KLK1: variants seen among roughly 807,000 people sequenced by gnomAD.
KLK1 encodes kallikrein 1, also known as kallikrein-1.
KLK1 carries 22 observed loss-of-function variants against 23.3 expected under a neutral mutation model. The ratio of observed to expected loss-of-function variants is 0.95; its 90% CI spans 0.68 to 1.35. KLK1 has a LOEUF of 1.35. KLK1 is among the 40% of genes most tolerant of loss of function. The pLI, the probability that KLK1 is intolerant of heterozygous loss-of-function variation, is 0.00. For missense variants in KLK1, 301 were observed against 338.9 expected, an observed-to-expected ratio of 0.89 and a Z score of 0.88; for synonymous variants, 140 against 135.8, an observed-to-expected ratio of 1.03 and a Z score of -0.21.
In KLK1 at chr19:50,821,569, C is replaced by T. The variant is rs1045349306; in HGVS notation, c.206+143G>A. The T allele has an allele frequency of 1.0e-5, 12 of 1,188,186 alleles. No homozygotes were observed. Among genetic ancestry groups the T allele is most frequent in the Non-Finnish European group, 5.7e-6 (5 of 882,928 alleles). The allele number at this position is 1,188,186 out of a possible 1,614,324, so 73.6% of individuals were successfully genotyped here. A position where few individuals can be genotyped will look rare whatever the true frequency, so the allele number is the denominator to read the frequency against. On this transcript the variant is annotated intron_variant, in intron 2 of 4. Transcript: ENST00000301420. The surrounding 1 kb of genome is among the most constrained non-coding windows in gnomAD (Gnocchi z 5.6). ...AGAGGGGTGTCCAGCCCAGCTCTGC[C>T]CTGCCAGGCGACCTGCGCCAGAGCC...
At position 50,820,281 on chromosome 19, in the gene KLK1, C is replaced by A. The variant is rs1287961902; in HGVS notation, c.369G>T (p.Leu123=). The change falls in exon 3 of 5, where the codon CTG becomes CTT. Residue 123 remains leucine, a synonymous_variant. Coordinates refer to ENST00000301420, the MANE Select transcript of KLK1 (RefSeq NM_002257.4). ...TATCAGCAGGCTCTGTCAGGCGGAG[C>A]AGCATGAGGTCGTGGCTGTAGTCCT... ...ADEDYSHDLM[L]LRLTEPADTI... 2 of 1,613,970 alleles carry A rather than the reference C, an allele frequency of 1.2e-6. No individual in the cohort carries two copies. The highest frequency in any genetic ancestry group is 4.5e-5 in the East Asian group (2 of 44,868).
At position 50,820,389 on chromosome 19, in the gene KLK1, G is replaced by A; in HGVS notation, c.261C>T (p.Ala87=). ...RHNLFDDENT[A]QFVHVSESFP... ...AGCTCTCACTGACATGAACAAACTG[G>A]GCTGTGTTTTCGTCGTCAAACAAGT... is the stretch of plus-strand genomic sequence containing the variant. Residue 87 remains alanine, a synonymous_variant, in exon 3 of 5, where the codon GCC becomes GCT. Coordinates refer to ENST00000301420, the MANE Select transcript of KLK1 (RefSeq NM_002257.4). The A allele has an allele frequency of 6.2e-7, 1 of 1,613,592 alleles. No individual in the cohort carries two copies. Among genetic ancestry groups the A allele is most frequent in the Non-Finnish European group, 8.5e-7 (1 of 1,179,850 alleles).
chr19:50,819,166 A>G lies in KLK1; in HGVS notation c.*28T>C, dbSNP rs1438680150. On this transcript the variant is annotated 3_prime_UTR_variant, in exon 5 of 5. Transcript: ENST00000301420. ...ACACATTGGATGCACATTTGATTTT[A>G]CTGGGGGTAGGGGACAGGGCTGGGC... The G allele has an allele frequency of 3.8e-6, 6 of 1,583,198 alleles. No homozygotes were observed. In the Admixed American group the frequency reaches 1.0e-4, roughly 27 times the overall value.
At chr19:50,822,076 G>A (rs1454937237) in intron 1 of KLK1, 6 of 1,354,998 alleles carry the variant, frequency 4.4e-6, no homozygotes, top group Non-Finnish European at 4.7e-6. Flanking sequence ...GCTGGACCTG[G>A]TGGGGAGATT....
At position 50,823,338 on chromosome 19, in the gene KLK1, G is replaced by T. The variant is rs558599670; in HGVS notation, c.46+365C>A. On this transcript the variant is annotated intron_variant, in intron 1 of 4. Coordinates refer to ENST00000301420, the MANE Select transcript of KLK1 (RefSeq NM_002257.4). ...GGGGATGATCAGAGTCCTGTGGGGT[G>T]GGGGAAGCCCATGGGAGGGTTGGGG... Among the ~76,000 whole-genome samples the T allele has an allele frequency of 7.9e-5, 12 of 152,234 alleles. No individual in the cohort carries two copies. The East Asian group carries it at 1.9e-3, about 25-fold the overall frequency.
At chr19:50,822,812 C>A in intron 1 of KLK1, 1 of 980,146 alleles carries the variant, frequency 1.0e-6, no homozygotes, top group Non-Finnish European at 1.2e-6. Flanking sequence ...AGAACAGGCG[C>A]CAAGCAGCTG....
intron 1 of KLK1, 63 bp downstream of exon 1, chr19:50,823,640 G>T: frequency 9.1e-7 from 1 of 1,103,678 alleles, no homozygotes; most frequent in Non-Finnish European, 1.4e-6. Context: ...TATCGGGGGG[G>T]GATGTGAGGC....
chr19:50,820,695 G>C, intron 2 of KLK1: 5 of 373,114 alleles, frequency 1.3e-5, no homozygotes, highest in Non-Finnish European at 4.8e-6. Context: ...GGGTGAAAAA[G>C]GCGGAGGGGA....
intron 2 of KLK1, 119 bp from the exon 3 acceptor site, chr19:50,820,562 G>A (rs1207586446): frequency 2.1e-5 from 15 of 706,526 alleles, no homozygotes; most frequent in African/African-American, 2.0e-4. Context: ...GTGGGTGGGC[G>A]GAGACAGAGG....
intron 1 of KLK1, 143 bp from the exon 2 acceptor site, chr19:50,822,014 G>A: frequency 7.0e-7 from 1 of 1,433,420 alleles, no homozygotes; most frequent in East Asian, 2.5e-5. Context: ...TGGGCAAGGG[G>A]TGTTGGGAAG....
At chr19:50,819,747 G>A in intron 4 of KLK1, 152 bp downstream of exon 4, 1 of 721,590 alleles carries the variant, frequency 1.4e-6, no homozygotes, top group South Asian at 1.7e-5. Context: ...GATGGGCGGG[G>A]GAAGGAGGGG....
Position 50,821,865 on chromosome 19 carries a change from G to A in KLK1, c.53C>T (p.Ala18Val), listed in dbSNP as rs752792607. 28 of 1,607,242 alleles carry A rather than the reference G, an allele frequency of 1.7e-5. No homozygotes were observed. Among genetic ancestry groups the A allele is most frequent in the South Asian group, 5.5e-5 (5 of 90,314 alleles). Residue 18 changes from alanine (A) to valine (V), a missense_variant, in exon 2 of 5, where the codon GCG becomes GTG. Physicochemically the swap from Ala to Val is moderately conservative, Grantham distance 64. Transcript: ENST00000301420. This position sits in a 1 kb window ranked among gnomAD's most constrained non-coding sequence, Gnocchi z 5.6. ...LALSLGGTGAAPPIQSRIVGG... is the reference protein window; with the variant it reads ...LALSLGGTGAVPPIQSRIVGG... The stretch of plus-strand genomic sequence containing the variant: ...CACAATCCGGGACTGAATCGGGGGC[G>A]CAGCACCTGCAGAGGCGGTGCTGGG...
At chr19:50,822,860 T>C (rs1212440419) in intron 1 of KLK1, 1 of 982,832 alleles carries the variant, frequency 1.0e-6, no homozygotes, top group Non-Finnish European at 1.2e-6. Context: ...CGTGAGGTTG[T>C]AGAATCACAT....
At position 50,820,535 on chromosome 19, in the gene KLK1, A is replaced by C. The variant is rs952447269; in HGVS notation, c.207-92T>G. The C allele has an allele frequency of 8.5e-6, 8 of 937,232 alleles. No homozygotes were observed. In the African/African-American group the frequency reaches 1.0e-4, roughly 12 times the overall value. 58.1% of individuals were successfully genotyped at this position (937,232 alleles called of 1,614,324 possible). On this transcript the variant is annotated intron_variant, in intron 2 of 4. Coordinates refer to ENST00000301420, the MANE Select transcript of KLK1 (RefSeq NM_002257.4). ...ATGGGGGAGGGTCCCCAAAGAGAGA[A>C]AGGGAAAGAGAAAAATGTGGGTGGG...
intron 4 of KLK1, among the ~76,000 whole-genome samples, chr19:50,819,619 C>T (rs1568479616): frequency 6.6e-6 from 1 of 152,174 alleles, no homozygotes; most frequent in Admixed American, 6.5e-5. Context: ...GGACGCTGCC[C>T]CTGCGGGCAC....
chr19:50,819,751 G>A (rs55649009), intron 4 of KLK1, 148 bp downstream of exon 4: 1 of 737,712 alleles, frequency 1.4e-6, no homozygotes, highest in Admixed American at 2.4e-5. Flanking sequence ...GGCGGGGGAA[G>A]GAGGGGGAGC....
Position 50,823,758 on chromosome 19 carries a change from G to A in KLK1, c.-10C>T, listed in dbSNP as rs376010634. ...GAACCAGGAACCACATGGTGACAGA[G>A]GTGTCCAGGGGCCAGCAGGTGGAGG... On this transcript the variant is annotated 5_prime_UTR_variant, in exon 1 of 5. Coordinates refer to ENST00000301420, the MANE Select transcript of KLK1 (RefSeq NM_002257.4). 2 of 1,609,016 alleles carry A rather than the reference G, an allele frequency of 1.2e-6. No individual in the cohort carries two copies. The highest frequency in any genetic ancestry group is 1.7e-6 in the Non-Finnish European group (2 of 1,176,516).
intron 4 of KLK1, among the ~76,000 whole-genome samples, chr19:50,819,673 T>C (rs903446783): frequency 2.0e-5 from 3 of 149,522 alleles, no homozygotes; most frequent in South Asian, 2.1e-4. Context: ...GACTCGACGG[T>C]AACAACACAT....
At position 50,819,221 on chromosome 19, in the gene KLK1, G is replaced by A. The variant is rs756408486; in HGVS notation, c.762C>T (p.Ile254=). 2.8e-5 allele frequency: 45 copies of A among 1,613,918 alleles called. No individual in the cohort carries two copies. The highest frequency in any genetic ancestry group is 3.4e-5 in the Non-Finnish European group (40 of 1,179,942). The change falls in exon 5 of 5, where the codon ATC becomes ATT. Residue 254 remains isoleucine (I), a synonymous_variant. Transcript: ENST00000301420. The part of the protein sequence containing the change: ...AVRVLSYVKW[I]EDTIAENS ...AGGAGTTCTCCGCTATGGTGTCCTC[G>A]ATCCACTTCACATAAGACAGCACTC...
Sources: allele counts gnomAD v4.1 joint callset (sites outside exome capture counted in the v4.1 genomes callset), GRCh38; gene constraint gnomAD v4.1.1; non-coding constraint Gnocchi (gnomAD v3.1); transcripts MANE v1.5; gene names NCBI Gene and HGNC (gene_info 2026-07-23, HGNC 2026-07-21).